Variants in ZNF385C observed in about 807,000 individuals in gnomAD.
ZNF385C encodes the protein zinc finger protein 385C.
ZNF385C carries 28 observed loss-of-function variants against 35.4 expected under a neutral mutation model. That is an observed-to-expected ratio of 0.79 (90% confidence interval 0.59 to 1.08). ZNF385C has a LOEUF of 1.08. Among genes scored for constraint, ZNF385C ranks in the 50% least tolerant of loss-of-function variants. ZNF385C has a pLI of 0.00. For synonymous variants in ZNF385C, 248 were observed against 248.2 expected, an observed-to-expected ratio of 1.00 and a Z score of 0.01; for missense variants, 605 against 595.6, an observed-to-expected ratio of 1.02 and a Z score of -0.16.
rs1427935991 is a variant in ZNF385C, at chr17:42,063,026, C to A, written c.31G>T (p.Ala11Ser). Residue 11 changes from alanine to serine, a missense_variant, in exon 2 of 9, where the codon GCT becomes TCT. Physicochemically the swap from Ala to Ser is moderately conservative, Grantham distance 99. Transcript: ENST00000692273. MKRPLSPPPP[A>S]EKETPISGAA... ...CCAGATATGGGGGTCTCCTTCTCAG[C>A]CGGTGGGGGTGGGCTCAGTGGCCGC... 4 of 670,102 alleles carry A rather than the reference C, an allele frequency of 6.0e-6. No homozygotes were observed. Among genetic ancestry groups the A allele is most frequent in the African/African-American group, 5.4e-5 (3 of 55,610 alleles). 41.5% of individuals were successfully genotyped at this position (670,102 alleles called of 1,614,324 possible).
Position 42,028,802 on chromosome 17 carries a change from C to G in ZNF385C, c.948G>C (p.Gln316His). 1 of 1,550,200 alleles carries G rather than the reference C, an allele frequency of 6.5e-7. No individual in the cohort carries two copies. The highest frequency in any genetic ancestry group is 8.7e-7 in the Non-Finnish European group (1 of 1,146,630). ...ACTGACCTGTGTTGTGAGCCTGAAG[C>G]TGGGAGGCCGAGTTCACTGTCACCT... ...TCKVTVNSASQLQAHNTGAKH... is the reference protein window; with the variant it reads ...TCKVTVNSASHLQAHNTGAKH... Residue 316 changes from glutamine (Q) to histidine (H), a missense_variant, in exon 6 of 9, where the codon CAG becomes CAC. Gln to His is a conservative substitution (Grantham distance 24). Coordinates refer to ENST00000692273, the MANE Select transcript of ZNF385C (RefSeq NM_001392013.1).
intron 2 of ZNF385C, among the ~76,000 whole-genome samples, chr17:42,054,580 TTC>T (rs2053341944): frequency 1.4e-5 from 1 of 69,450 alleles, no homozygotes; most frequent in Non-Finnish European, 3.7e-5. Context: ...CCACTAGAAC[TTC>T]TTTTTTTTTT....
intron 2 of ZNF385C, among the ~76,000 whole-genome samples, chr17:42,048,677 A>T (rs1297752442): frequency 2.0e-5 from 3 of 152,120 alleles, no homozygotes; most frequent in Non-Finnish European, 4.4e-5. Flanking sequence ...CTACATCCAG[A>T]ACCTGCTCCA....
chr17:42,028,099 T>C lies in ZNF385C; in HGVS notation c.1115A>G (p.His372Arg), dbSNP rs782101775. 2.5e-6 allele frequency: 4 copies of C among 1,613,620 alleles called. No homozygotes were observed. The highest frequency in any genetic ancestry group is 3.4e-6 in the Non-Finnish European group (4 of 1,179,882). The change falls in exon 7 of 9, where the codon CAC (histidine) becomes CGC (arginine). Residue 372 changes from histidine to arginine, a missense_variant. Transcript: ENST00000692273. ...GACCTGGAGCTGACAGAGAGCACAGTGGAAGGCAGGGCTGGGCCCCTGCCG... is the reference window on the plus strand; with the variant it reads ...GACCTGGAGCTGACAGAGAGCACAGCGGAAGGCAGGGCTGGGCCCCTGCCG... ...GGRQGPSPAF[H>R]CALCQLQVNS...
chr17:42,049,339 T>C (rs2053236883), intron 2 of ZNF385C, among the ~76,000 whole-genome samples: 1 of 152,190 alleles, frequency 6.6e-6, no homozygotes, highest in African/African-American at 2.4e-5. Context: ...TCTATCTGTG[T>C]AGTTCTCTTG....
chr17:42,089,265 G>A (rs868991663), intron 1 of ZNF385C, among the ~76,000 whole-genome samples: 14 of 152,088 alleles, frequency 9.2e-5, no homozygotes, highest in Admixed American at 1.3e-4. Context: ...GCAGTGAGCC[G>A]TGATCACACC....
At chr17:42,085,636 C>T (rs1456797134) in intron 1 of ZNF385C, among the ~76,000 whole-genome samples, 5 of 130,618 alleles carry the variant, frequency 3.8e-5, no homozygotes, top group Middle Eastern at 6.8e-3. Flanking sequence ...CTCACTTTGT[C>T]GCCCAGGCTG....
chr17:42,056,499 C>T (rs376955343), intron 2 of ZNF385C, among the ~76,000 whole-genome samples: 2 of 152,200 alleles, frequency 1.3e-5, no homozygotes, highest in East Asian at 1.9e-4. Flanking sequence ...CAAGGGCTCA[C>T]ACCTGTAATT....
chr17:42,047,621 C>A (rs2053193672), intron 2 of ZNF385C, among the ~76,000 whole-genome samples: 1 of 151,750 alleles, frequency 6.6e-6, no homozygotes, highest in African/African-American at 2.4e-5. Context: ...GAAAGGCTGC[C>A]AGATGCAATC....
In ZNF385C at chr17:42,028,087, CAG is replaced by C; in HGVS notation, c.1125_1126del (p.Cys376SerfsTer51). 1 of 1,613,826 alleles carries C rather than the reference CAG, an allele frequency of 6.2e-7. No homozygotes were observed. Among genetic ancestry groups the C allele is most frequent in the African/African-American group, 1.3e-5 (1 of 75,046 alleles). Reference sequence around the variant, plus strand: ...GGTCTCTGAATTGACCTGGAGCTGACAGAGAGCACAGTGGAAGGCAGGGCTGG... The same window carrying C: ...GGTCTCTGAATTGACCTGGAGCTGACAGAGCACAGTGGAAGGCAGGGCTGG... On this transcript the variant is annotated frameshift_variant, in exon 7 of 9. Coordinates refer to ENST00000692273, the MANE Select transcript of ZNF385C (RefSeq NM_001392013.1). LOFTEE classifies it high-confidence loss of function.
Position 42,026,898 on chromosome 17 carries a change from T to C in ZNF385C, c.1511A>G (p.Ter504TrpextTer8). The change falls in exon 9 of 9, where the codon TAG becomes TGG. Residue 504 changes from the stop codon to tryptophan, a stop_lost. Transcript: ENST00000692273. Reference protein sequence around the residue: ...ATGPIVLAPY* With the variant: ...ATGPIVLAPYW ...TCAGCTCTGGCCTCCCCATGAGGGC[T>C]AATAAGGGGCAAGGACGATAGGTCC... 6.3e-7 allele frequency: 1 copy of C among 1,586,884 alleles called. No individual in the cohort carries two copies. Among genetic ancestry groups the C allele is most frequent in the Non-Finnish European group, 8.6e-7 (1 of 1,166,290 alleles).
intron 1 of ZNF385C, among the ~76,000 whole-genome samples, chr17:42,063,398 C>G (rs1327420271): frequency 6.6e-6 from 1 of 152,150 alleles, no homozygotes; most frequent in Non-Finnish European, 1.5e-5. Context: ...CATGGTGGCG[C>G]ATGCCTGTAA....
Position 42,028,254 on chromosome 17 carries a change from G to T in ZNF385C, c.968-8C>A. 1.3e-6 allele frequency: 2 copies of T among 1,522,066 alleles called. No individual in the cohort carries two copies. The highest frequency in any genetic ancestry group is 8.8e-7 in the Non-Finnish European group (1 of 1,137,950). The allele number at this position is 1,522,066 out of a possible 1,614,324, so 94.3% of individuals were successfully genotyped here. On this transcript the variant is annotated splice_polypyrimidine_tract_variant and splice_region_variant and intron_variant, in intron 6 of 8. Coordinates refer to ENST00000692273, the MANE Select transcript of ZNF385C (RefSeq NM_001392013.1). ...TCCACCGGTGCTTGGCTCCTGGAGA[G>T]GGAAGAAGGCAGTCTCTCAGCAGCA...
chr17:42,042,410 T>TA (rs2053045886), intron 2 of ZNF385C, among the ~76,000 whole-genome samples: 1 of 151,498 alleles, frequency 6.6e-6, no homozygotes, highest in African/African-American at 2.4e-5. Context: ...TATTCCTAGC[T>TA]AATAGGGAGG....
intron 2 of ZNF385C, chr17:42,061,717 C>T (rs536835709): frequency 1.3e-4 from 20 of 152,688 alleles, no homozygotes; most frequent in African/African-American, 4.8e-4. Context: ...CTCCCCTCAT[C>T]CATGTTCCGA....
chr17:42,042,820 T>C (rs2053056609), intron 2 of ZNF385C: 1 of 1,232,200 alleles, frequency 8.1e-7, no homozygotes, highest in East Asian at 3.2e-5. Flanking sequence ...CCCATACTTC[T>C]GGCTGTCACC....
rs1265035660 is a variant in ZNF385C at position 42,026,532 on chromosome 17, G to A, written c.*365C>T. 5 of 298,200 alleles carry A rather than the reference G, an allele frequency of 1.7e-5. No individual in the cohort carries two copies. The highest frequency in any genetic ancestry group is 9.7e-5 in the South Asian group (3 of 30,888). The allele number at this position is 298,200 out of a possible 1,614,324, so 18.5% of individuals were successfully genotyped here. A position where few individuals can be genotyped will look rare whatever the true frequency, so the allele number is the denominator to read the frequency against. On this transcript the variant is annotated 3_prime_UTR_variant, in exon 9 of 9. Transcript: ENST00000692273. ...GCCTAGGAATAGAGGTCAGAGAGTC[G>A]TCCCCTGGCTAGGAGAGGATGGCTT...
At chr17:42,096,081 C>T (rs1039180752) in intron 1 of ZNF385C, among the ~76,000 whole-genome samples, 4 of 152,194 alleles carry the variant, frequency 2.6e-5, no homozygotes, top group African/African-American at 9.7e-5. Flanking sequence ...GACAGCTCCA[C>T]TCGCACCCTG....
At chr17:42,053,933 T>A (rs1357249400) in intron 2 of ZNF385C, among the ~76,000 whole-genome samples, 1 of 151,586 alleles carries the variant, frequency 6.6e-6, no homozygotes, top group African/African-American at 2.4e-5. Context: ...AAGGGGGGGA[T>A]GTGAGGGACA....
Sources: gnomAD v4.1 joint callset for allele counts (sites outside exome capture counted in the v4.1 genomes callset) on GRCh38, gnomAD v4.1.1 for gene constraint, MANE v1.5 for transcripts, NCBI Gene and HGNC (gene_info 2026-07-23, HGNC 2026-07-21) for gene names.